The following RANBP2 variants were observed in gnomAD, a reference collection of about 807,000 sequenced individuals.
RANBP2 encodes RAN binding protein 2.
Under a neutral mutation model 303.6 loss-of-function variants are expected in RANBP2, and 57 were observed. The observed-to-expected ratio is 0.19, with a 90% confidence interval of 0.15 to 0.23. The LOEUF (loss-of-function observed/expected upper bound fraction) is 0.23. RANBP2 is among the 10% of genes least tolerant of loss of function. RANBP2 has a pLI of 1.00. For synonymous variants in RANBP2, 1,167 were observed against 1,301.5 expected, an observed-to-expected ratio of 0.90 and a Z score of 2.23; for missense variants, 3,138 against 3,780.8, an observed-to-expected ratio of 0.83 and a Z score of 4.46.
the RANBP2 span, among the ~76,000 whole-genome samples, chr2:109,342,749 C>T: frequency 7.2e-5 from 11 of 152,226 alleles, no homozygotes; most frequent in Middle Eastern, 6.8e-3. Flanking sequence ...CAGTAGAAGC[C>T]GGAGATGGCG....
At chr2:109,244,147 A>ATT in the RANBP2 span, among the ~76,000 whole-genome samples, 120 of 152,098 alleles carry the variant, frequency 7.9e-4, 1 homozygote, top group African/African-American at 2.7e-3. Context: ...CTCTGTAGCT[A>ATT]TTTTTTTTGT....
chr2:108,893,891 T>A, the RANBP2 span, among the ~76,000 whole-genome samples: 1 of 152,310 alleles, frequency 6.6e-6, no homozygotes, highest in Middle Eastern at 3.4e-3. Flanking sequence ...CTTTACCTCT[T>A]CAAAAACACG....
At chr2:109,012,397 C>T in the RANBP2 span, among the ~76,000 whole-genome samples, 1 of 152,166 alleles carries the variant, frequency 6.6e-6, no homozygotes, top group Non-Finnish European at 1.5e-5. Context: ...TGGCATCCTT[C>T]GGTCTTGAGA....
chr2:109,255,064 G>A, the RANBP2 span, among the ~76,000 whole-genome samples: 1 of 152,170 alleles, frequency 6.6e-6, no homozygotes, highest in Non-Finnish European at 1.5e-5. Context: ...GTCCTCCTAA[G>A]GCTAAAAGAC....
chr2:108,942,729 C>T, the RANBP2 span, among the ~76,000 whole-genome samples: 1 of 152,240 alleles, frequency 6.6e-6, no homozygotes, highest in Non-Finnish European at 1.5e-5. Context: ...AAGCCAGCTT[C>T]GCTCCCAGGC....
At chr2:109,478,726 A>G in the RANBP2 span, among the ~76,000 whole-genome samples, 8 of 152,284 alleles carry the variant, frequency 5.3e-5, no homozygotes, top group South Asian at 1.7e-3. Flanking sequence ...CTCGTAGGTA[A>G]GATCTTCTTG....
the RANBP2 span, among the ~76,000 whole-genome samples, chr2:109,610,958 T>C: frequency 3.6e-4 from 55 of 152,326 alleles, no homozygotes; most frequent in Admixed American, 1.3e-3. Context: ...GTCTACCTTA[T>C]TTCAGACTTA....
At chr2:108,794,685 A>G in the RANBP2 span, 2 of 1,613,720 alleles carry the variant, frequency 1.2e-6, no homozygotes, top group Non-Finnish European at 1.7e-6. Context: ...TCAGTCAGAT[A>G]TATGACGAAT....
chr2:109,233,343 G>C, the RANBP2 span, among the ~76,000 whole-genome samples: 1 of 152,166 alleles, frequency 6.6e-6, no homozygotes, highest in Non-Finnish European at 1.5e-5. Flanking sequence ...AGAGTGGGAA[G>C]ATAATCTTCC....
the RANBP2 span, among the ~76,000 whole-genome samples, chr2:109,288,455 A>G: frequency 2.0e-5 from 3 of 152,230 alleles, no homozygotes; most frequent in African/African-American, 7.2e-5. Context: ...GCCAGAAAGT[A>G]TGAGAGCCCA....
the RANBP2 span, among the ~76,000 whole-genome samples, chr2:108,961,572 C>T: frequency 8.5e-5 from 13 of 152,186 alleles, no homozygotes; most frequent in Admixed American, 1.3e-4. Context: ...TGGTTATGGA[C>T]GTTCTGCAAA....
At chr2:109,698,855 C>T in the RANBP2 span, among the ~76,000 whole-genome samples, 131 of 152,086 alleles carry the variant, frequency 8.6e-4, no homozygotes, top group Non-Finnish European at 1.4e-3. Context: ...ATCTCTTGAA[C>T]CCGGGAGGCA....
chr2:109,704,478 G>A, the RANBP2 span, among the ~76,000 whole-genome samples: 1 of 152,026 alleles, frequency 6.6e-6, no homozygotes, highest in African/African-American at 2.4e-5. Flanking sequence ...GCTGCAGTGA[G>A]CTATGATCAC....
chr2:108,924,476 G>A, the RANBP2 span, among the ~76,000 whole-genome samples: 4 of 152,198 alleles, frequency 2.6e-5, no homozygotes, highest in East Asian at 3.9e-4. Flanking sequence ...TAACGTGAGC[G>A]GTGCCAACAC....
the RANBP2 span, chr2:109,616,954 C>T: frequency 1.2e-5 from 2 of 166,878 alleles, no homozygotes. Context: ...GATTATTTAA[C>T]CATTGTTCTA....
the RANBP2 span, among the ~76,000 whole-genome samples, chr2:109,368,141 T>G: frequency 6.6e-6 from 1 of 152,266 alleles, no homozygotes; most frequent in Non-Finnish European, 1.5e-5. Flanking sequence ...ATTTTTCTCT[T>G]AAGGTATTTG....
chr2:109,373,544 C>G, the RANBP2 span, among the ~76,000 whole-genome samples: 1 of 152,112 alleles, frequency 6.6e-6, no homozygotes, highest in South Asian at 2.1e-4. Flanking sequence ...TTGAAAGAAG[C>G]CAGACATAAA....
chr2:108,740,214 C>G (rs561108293), intron 6 of RANBP2, among the ~76,000 whole-genome samples: 1 of 152,166 alleles, frequency 6.6e-6, no homozygotes, highest in African/African-American at 2.4e-5. Context: ...GAAATGTGCA[C>G]CTATAATCAC....
the RANBP2 span, among the ~76,000 whole-genome samples, chr2:108,877,004 A>C: frequency 6.6e-6 from 1 of 152,214 alleles, no homozygotes; most frequent in Non-Finnish European, 1.5e-5. Flanking sequence ...AGAGTCATAA[A>C]ATCATATATG....
Sources: gnomAD v4.1 joint callset for allele counts (sites outside exome capture counted in the v4.1 genomes callset) on GRCh38, gnomAD v4.1.1 for gene constraint, MANE v1.5 for transcripts, NCBI Gene and HGNC (gene_info 2026-07-23, HGNC 2026-07-21) for gene names.